PTPRD: variants seen among roughly 807,000 people sequenced by gnomAD.
PTPRD encodes receptor-type tyrosine-protein phosphatase delta.
In PTPRD, 34 loss-of-function variants were observed where a neutral mutation model predicts 214.5. The ratio of observed to expected loss-of-function variants is 0.16; its 90% CI spans 0.12 to 0.21. The LOEUF is 0.21. Ranked by LOEUF, PTPRD falls within the 10% of genes least tolerant of loss-of-function variation. The pLI is 1.00. For synonymous variants in PTPRD, 1,128 were observed against 845.7 expected (o/e 1.33, Z -5.79); for missense variants, 2,545 against 2,398.7 (o/e 1.06, Z -1.27).
chr9:9,711,597 A>G (rs1047696588), intron 7 of PTPRD, among the ~76,000 whole-genome samples: 1 of 152,158 alleles, frequency 6.6e-6, no homozygotes, highest in Non-Finnish European at 1.5e-5. Context: ...AGCTATGTCC[A>G]CTTTATTCCA....
At chr9:9,438,254 C>CT (rs1217507015) in intron 8 of PTPRD, among the ~76,000 whole-genome samples, 1 of 152,052 alleles carries the variant, frequency 6.6e-6, no homozygotes, top group Non-Finnish European at 1.5e-5. Context: ...ACAAGTCAAC[C>CT]TATAGCCAGT....
chr9:9,702,028 G>A (rs1266011854), intron 7 of PTPRD, among the ~76,000 whole-genome samples: 2 of 152,064 alleles, frequency 1.3e-5, no homozygotes, highest in Admixed American at 6.6e-5. Flanking sequence ...GCTGAGGCAG[G>A]GGGATTGCTT....
chr9:9,064,772 C>T (rs1398963239), intron 10 of PTPRD, among the ~76,000 whole-genome samples: 3 of 152,140 alleles, frequency 2.0e-5, no homozygotes, highest in African/African-American at 7.2e-5. Context: ...GGTAATAATG[C>T]TTCATTAAGA....
At chr9:9,560,120 C>T (rs1488846973) in intron 8 of PTPRD, among the ~76,000 whole-genome samples, 4 of 152,192 alleles carry the variant, frequency 2.6e-5, no homozygotes, top group African/African-American at 4.8e-5. Flanking sequence ...TAGGGCAGGA[C>T]TGGGTTGCAC....
chr9:9,704,847 C>T (rs988076397), intron 7 of PTPRD, among the ~76,000 whole-genome samples: 9 of 152,258 alleles, frequency 5.9e-5, no homozygotes, highest in Non-Finnish European at 1.2e-4. Flanking sequence ...AGTCATTTTC[C>T]AGTTGAAAAC....
At chr9:9,480,176 G>C (rs1452136275) in intron 8 of PTPRD, among the ~76,000 whole-genome samples, 1 of 152,112 alleles carries the variant, frequency 6.6e-6, no homozygotes, top group African/African-American at 2.4e-5. Flanking sequence ...TCAGTCCAAG[G>C]GTGCATGGAT....
chr9:10,003,029 GA>G (rs2096371022), intron 4 of PTPRD, among the ~76,000 whole-genome samples: 1 of 151,626 alleles, frequency 6.6e-6, no homozygotes, highest in South Asian at 2.1e-4. Flanking sequence ...AATTATAAGA[GA>G]AACAGTTAAT....
intron 7 of PTPRD, among the ~76,000 whole-genome samples, chr9:9,712,349 T>C (rs1411505410): frequency 6.6e-6 from 1 of 152,092 alleles, no homozygotes; most frequent in African/African-American, 2.4e-5. Flanking sequence ...GACACAGTGA[T>C]AGGCTGACAA....
At chr9:9,367,651 T>C (rs1051448159) in intron 9 of PTPRD, among the ~76,000 whole-genome samples, 6 of 151,578 alleles carry the variant, frequency 4.0e-5, no homozygotes, top group African/African-American at 1.5e-4. Flanking sequence ...ATTTTTAGGC[T>C]ATACAAATGG....
At chr9:10,298,204 T>G (rs1596412311) in intron 3 of PTPRD, among the ~76,000 whole-genome samples, 1 of 152,140 alleles carries the variant, frequency 6.6e-6, no homozygotes, top group African/African-American at 2.4e-5. Flanking sequence ...TAGTTCTTAA[T>G]AGGTTTTTAC....
intron 11 of PTPRD, among the ~76,000 whole-genome samples, chr9:8,757,904 A>G (rs995798736): frequency 6.6e-6 from 1 of 152,160 alleles, no homozygotes; most frequent in African/African-American, 2.4e-5. Context: ...TATATAAAAC[A>G]CATGACATTC....
chr9:8,410,538 T>A (rs1329718409), intron 35 of PTPRD, among the ~76,000 whole-genome samples: 1 of 152,152 alleles, frequency 6.6e-6, no homozygotes, highest in Non-Finnish European at 1.5e-5. Context: ...AGGCCAACAT[T>A]AGAGTGTGAA....
intron 8 of PTPRD, among the ~76,000 whole-genome samples, chr9:9,422,231 C>T (rs951669547): frequency 3.3e-5 from 5 of 152,094 alleles, no homozygotes; most frequent in African/African-American, 1.2e-4. Context: ...ACGAAGGGCA[C>T]AAAGAGGTTA....
At chr9:9,410,164 C>G (rs1056860924) in intron 8 of PTPRD, among the ~76,000 whole-genome samples, 33 of 152,118 alleles carry the variant, frequency 2.2e-4, no homozygotes, top group African/African-American at 7.7e-4. Flanking sequence ...AAGTAGCCTT[C>G]CTGACCAGAG....
At chr9:8,763,101 T>C (rs2094506392) in intron 11 of PTPRD, among the ~76,000 whole-genome samples, 1 of 152,170 alleles carries the variant, frequency 6.6e-6, no homozygotes, top group Admixed American at 6.5e-5. Context: ...TCAAGCTTTT[T>C]GGATGCTCTG....
chr9:9,252,982 TAAG>T (rs1201195714), intron 9 of PTPRD, among the ~76,000 whole-genome samples: 9 of 152,090 alleles, frequency 5.9e-5, no homozygotes, highest in Admixed American at 2.6e-4. Context: ...TAAACAAAAA[TAAG>T]ACTATTGGCA....
At chr9:10,280,786 T>A (rs2154393857) in intron 3 of PTPRD, among the ~76,000 whole-genome samples, 1 of 152,174 alleles carries the variant, frequency 6.6e-6, no homozygotes. Context: ...TTTTTTTTTT[T>A]TTATTTTCTG....
intron 11 of PTPRD, among the ~76,000 whole-genome samples, chr9:8,844,121 G>A (rs2097635522): frequency 6.6e-6 from 1 of 152,112 alleles, no homozygotes. Flanking sequence ...CAAAAGAAGA[G>A]TTTTATGCTT....
intron 10 of PTPRD, among the ~76,000 whole-genome samples, chr9:9,071,103 CAG>C (rs1281366682): frequency 6.6e-6 from 1 of 152,134 alleles, no homozygotes; most frequent in Non-Finnish European, 1.5e-5. Flanking sequence ...TTTGTAGAGA[CAG>C]GGTCTCCCTA....
Sources: allele counts gnomAD v4.1 joint callset (sites outside exome capture counted in the v4.1 genomes callset), GRCh38; gene constraint gnomAD v4.1.1; transcripts MANE v1.5; gene names NCBI Gene and HGNC (gene_info 2026-07-23, HGNC 2026-07-21).